Variants in ZSCAN25 observed in about 807,000 individuals in gnomAD.
ZSCAN25 encodes zinc finger and SCAN domain containing 25, also known as zinc finger and SCAN domain-containing protein 25.
Under a neutral mutation model 38.7 loss-of-function variants are expected in ZSCAN25, and 27 were observed. That is an observed-to-expected ratio of 0.70 (90% CI 0.51 to 0.96). The LOEUF is 0.96. ZSCAN25 is among the 40% of genes least tolerant of loss of function. The probability of loss-of-function intolerance (pLI) is 0.00; values close to 1 mark genes in which losing one functional copy is unlikely to be tolerated. For synonymous variants in ZSCAN25, 273 were observed against 277.7 expected, an observed-to-expected ratio of 0.98 and a Z score of 0.17; for missense variants, 637 against 705.9, an observed-to-expected ratio of 0.90 and a Z score of 1.11.
Position 99,630,520 on chromosome 7 carries a change from T to G in ZSCAN25, c.*500T>G. The stretch of plus-strand genomic sequence containing the variant: ...AATGAGAGACTAGACGTGATGCCTC[T>G]GGGGGTTGTGCGTTGGGGATGCATG... On this transcript the variant is annotated 3_prime_UTR_variant, in exon 8 of 8. Coordinates refer to ENST00000394152, the MANE Select transcript of ZSCAN25 (RefSeq NM_145115.3). 1 of 991,594 alleles carries G rather than the reference T, an allele frequency of 1.0e-6. No individual in the cohort carries two copies. The highest frequency in any genetic ancestry group is 1.2e-6 in the Non-Finnish European group (1 of 833,894). 61.4% of individuals were successfully genotyped at this position (991,594 alleles called of 1,614,324 possible).
chr7:99,665,824 C>T, the ZSCAN25 span, among the ~76,000 whole-genome samples: 4 of 152,216 alleles, frequency 2.6e-5, no homozygotes, highest in African/African-American at 9.6e-5. Flanking sequence ...ACACTCCCTG[C>T]TAATGCTCTG....
the ZSCAN25 span, among the ~76,000 whole-genome samples, chr7:99,668,352 C>A: frequency 2.0e-5 from 3 of 152,056 alleles, no homozygotes; most frequent in African/African-American, 2.4e-5. Flanking sequence ...TAGATTATAC[C>A]CAAATTGTTC....
At chr7:99,627,493 T>C (rs993086145) in intron 7 of ZSCAN25, among the ~76,000 whole-genome samples, 1 of 152,108 alleles carries the variant, frequency 6.6e-6, no homozygotes, top group Non-Finnish European at 1.5e-5. Context: ...GAATACTGTA[T>C]ACCAATGAAA....
At chr7:99,662,421 C>T in the ZSCAN25 span, among the ~76,000 whole-genome samples, 1 of 152,232 alleles carries the variant, frequency 6.6e-6, no homozygotes, top group South Asian at 2.1e-4. This position sits in a 1 kb window ranked among gnomAD's most constrained non-coding sequence, Gnocchi z 4.3. Flanking sequence ...CTTGCGAACA[C>T]ACTTTCAAGT....
chr7:99,624,223 G>T, intron 7 of ZSCAN25, 43 bp downstream of exon 7: 2 of 1,611,746 alleles, frequency 1.2e-6, no homozygotes, highest in Middle Eastern at 2.1e-4. Flanking sequence ...GGGGAGTTCT[G>T]AAAGCTCAGG....
chr7:99,700,800 G>T, the ZSCAN25 span, among the ~76,000 whole-genome samples: 7 of 152,164 alleles, frequency 4.6e-5, no homozygotes, highest in Non-Finnish European at 8.8e-5. Context: ...AGATTGCTGG[G>T]CCCCTGTGTG....
the ZSCAN25 span, among the ~76,000 whole-genome samples, chr7:99,683,951 GT>G: frequency 6.6e-6 from 1 of 152,122 alleles, no homozygotes; most frequent in Non-Finnish European, 1.5e-5. Context: ...TGTTTAGCCT[GT>G]TGCCCAATCA....
chr7:99,695,703 C>T, the ZSCAN25 span: 14 of 1,545,510 alleles, frequency 9.1e-6, no homozygotes, highest in Non-Finnish European at 1.2e-5. Flanking sequence ...AAGCTGCTCT[C>T]TCCAATCATA....
the ZSCAN25 span, among the ~76,000 whole-genome samples, chr7:99,649,363 T>C: frequency 1.3e-5 from 2 of 152,194 alleles, no homozygotes; most frequent in Non-Finnish European, 2.9e-5. Flanking sequence ...ATAAGACTTA[T>C]AGGCTATTGC....
At chr7:99,714,728 A>G in the ZSCAN25 span, 1 of 1,598,234 alleles carries the variant, frequency 6.3e-7, no homozygotes, top group Non-Finnish European at 8.5e-7. Context: ...TTGTGAACAT[A>G]CAAAATTTAC....
chr7:99,717,929 TAGAG>T, the ZSCAN25 span, among the ~76,000 whole-genome samples: 1 of 152,012 alleles, frequency 6.6e-6, no homozygotes, highest in Non-Finnish European at 1.5e-5. Context: ...GCGTGCAGTG[TAGAG>T]AGAGAGTGGA....
chr7:99,638,987 C>T, the ZSCAN25 span, among the ~76,000 whole-genome samples: 8 of 152,234 alleles, frequency 5.3e-5, no homozygotes, highest in Non-Finnish European at 8.8e-5. Context: ...CCGGAGTCTG[C>T]GCTGGGAGCC....
chr7:99,660,452 G>T, the ZSCAN25 span: 1 of 1,534,190 alleles, frequency 6.5e-7, no homozygotes. Flanking sequence ...AGGCATTTTT[G>T]CTAAGGCTTC....
the ZSCAN25 span, among the ~76,000 whole-genome samples, chr7:99,649,858 T>C: frequency 6.6e-6 from 1 of 152,018 alleles, no homozygotes; most frequent in Non-Finnish European, 1.5e-5. Flanking sequence ...CACATAATCA[T>C]GTCATGCTAA....
rs924349027 is a variant in ZSCAN25 at position 99,629,081 on chromosome 7, A to G, written c.806-110A>G. ...AAGCCTGAGTTGAGGTTGTTGGTCA[A>G]AGGAAAAAAGAGAAGGAACCATGAA... On this transcript the variant is annotated intron_variant, in intron 7 of 7. Coordinates refer to ENST00000394152, the MANE Select transcript of ZSCAN25 (RefSeq NM_145115.3). The surrounding 1 kb of genome is among the most constrained non-coding windows in gnomAD (Gnocchi z 5.6). 7.6e-6 allele frequency: 11 copies of G among 1,449,062 alleles called. No homozygotes were observed. The East Asian group carries it at 2.6e-4, about 34-fold the overall frequency. 89.8% of individuals were successfully genotyped at this position (1,449,062 alleles called of 1,614,324 possible).
chr7:99,715,196 A>G, the ZSCAN25 span, among the ~76,000 whole-genome samples: 5 of 152,240 alleles, frequency 3.3e-5, no homozygotes, highest in Admixed American at 3.3e-4. Context: ...AAGGGCAAAT[A>G]GAAACTGTTT....
intron 6 of ZSCAN25, among the ~76,000 whole-genome samples, chr7:99,623,386 C>T (rs1025050422): frequency 6.6e-6 from 1 of 152,208 alleles, no homozygotes; most frequent in African/African-American, 2.4e-5. Context: ...AATGAGGTAA[C>T]TGAAGCATAG....
chr7:99,665,767 A>C, the ZSCAN25 span, among the ~76,000 whole-genome samples: 2 of 152,264 alleles, frequency 1.3e-5, no homozygotes, highest in East Asian at 3.8e-4. Flanking sequence ...TTTACAAAAC[A>C]GTAACACCCT....
At chr7:99,664,229 T>A in the ZSCAN25 span, 4 of 830,758 alleles carry the variant, frequency 4.8e-6, no homozygotes, top group East Asian at 8.1e-5. Flanking sequence ...CCTTTTATCA[T>A]GTTTGCCCTT....
Sources: gnomAD v4.1 joint callset for allele counts (sites outside exome capture counted in the v4.1 genomes callset) on GRCh38, gnomAD v4.1.1 for gene constraint, Gnocchi (gnomAD v3.1) non-coding constraint, MANE v1.5 for transcripts, NCBI Gene and HGNC (gene_info 2026-07-23, HGNC 2026-07-21) for gene names.